Variants in KIF6 observed in about 807,000 individuals in gnomAD.
KIF6 encodes the protein kinesin-like protein KIF6.
KIF6 carries 106 observed loss-of-function variants against 112.7 expected under a neutral mutation model. The ratio of observed to expected loss-of-function variants is 0.94; its 90% confidence interval spans 0.80 to 1.11. The LOEUF is 1.11. Ranked by LOEUF, KIF6 falls within the 50% of genes least tolerant of loss-of-function variation. The pLI, the probability that KIF6 is intolerant of heterozygous loss-of-function variation, is 0.00. For missense variants in KIF6, 929 were observed against 964.0 expected (o/e 0.96, Z 0.48); for synonymous variants, 339 against 339.9 (o/e 1.00, Z 0.03).
chr6:39,653,402 A>G (rs1194913981), intron 3 of KIF6, among the ~76,000 whole-genome samples: 1 of 152,244 alleles, frequency 6.6e-6, no homozygotes, highest in Non-Finnish European at 1.5e-5. Context: ...AGAATAGAAA[A>G]CAGAAAAGAA....
intron 13 of KIF6, among the ~76,000 whole-genome samples, chr6:39,444,364 G>A (rs953545371): frequency 6.6e-6 from 1 of 152,148 alleles, no homozygotes; most frequent in Admixed American, 6.5e-5. Flanking sequence ...TTTGATGCAG[G>A]TATATGTTGT....
chr6:39,589,879 T>A, intron 7 of KIF6, among the ~76,000 whole-genome samples: 1 of 152,258 alleles, frequency 6.6e-6, no homozygotes, highest in East Asian at 1.9e-4. Context: ...TAAACCATGC[T>A]TCTTAAAATA....
At chr6:39,674,584 A>C (rs1787027386) in intron 3 of KIF6, among the ~76,000 whole-genome samples, 1 of 152,036 alleles carries the variant, frequency 6.6e-6, no homozygotes, top group South Asian at 2.1e-4. Context: ...TTGTGGGTAA[A>C]ATGTGGAAAT....
At chr6:39,363,009 C>T (rs961596040) in intron 16 of KIF6, among the ~76,000 whole-genome samples, 16 of 151,994 alleles carry the variant, frequency 1.1e-4, no homozygotes, top group African/African-American at 1.4e-4. Flanking sequence ...ATTAGCTGGG[C>T]GTGGTGGCGG....
At chr6:39,715,925 G>C (rs1789824153) in intron 2 of KIF6, among the ~76,000 whole-genome samples, 1 of 152,168 alleles carries the variant, frequency 6.6e-6, no homozygotes, top group African/African-American at 2.4e-5. Flanking sequence ...ACACATAGCT[G>C]CTGAACTGCT....
chr6:39,343,360 C>T lies in KIF6; in HGVS notation c.2428+349G>A, dbSNP rs3734622. 2.3e-6 allele frequency: 3 copies of T among 1,311,562 alleles called. No homozygotes were observed. Among genetic ancestry groups the T allele is most frequent in the Non-Finnish European group, 3.0e-6 (3 of 1,003,576 alleles). The allele number at this position is 1,311,562 out of a possible 1,614,324, so 81.2% of individuals were successfully genotyped here. On this transcript the variant is annotated intron_variant, in intron 22 of 22. Transcript: ENST00000287152. The surrounding 1 kb of genome is among the most constrained non-coding windows in gnomAD (Gnocchi z 4.1). ...TTCAACGAGTTACCAAAACATCACT[C>T]AGCCCCTTCCTGTTTGTAGAAGCCT...
chr6:39,350,957 GAATTAGAGCATCC>G (rs1273767122), intron 19 of KIF6, among the ~76,000 whole-genome samples: 2 of 152,146 alleles, frequency 1.3e-5, no homozygotes, highest in Non-Finnish European at 1.5e-5. Flanking sequence ...CTCTGCCCAG[GAATTAGAGCATCC>G]AACCAGCTCG....
At chr6:39,534,071 T>G (rs530770723) in intron 13 of KIF6, among the ~76,000 whole-genome samples, 4 of 152,084 alleles carry the variant, frequency 2.6e-5, no homozygotes, top group Non-Finnish European at 5.9e-5. Context: ...TACATCAGCA[T>G]CATCAAAGAC....
At chr6:39,607,203 A>G (rs1016695806) in intron 6 of KIF6, among the ~76,000 whole-genome samples, 10 of 152,200 alleles carry the variant, frequency 6.6e-5, no homozygotes, top group African/African-American at 2.2e-4. Context: ...CTATTCTTTT[A>G]ATAATGTATA....
chr6:39,477,321 T>C (rs901575512), intron 13 of KIF6, among the ~76,000 whole-genome samples: 1 of 152,196 alleles, frequency 6.6e-6, no homozygotes, highest in African/African-American at 2.4e-5. Context: ...GTAAAACTTA[T>C]AAATGCATGC....
intron 15 of KIF6, among the ~76,000 whole-genome samples, chr6:39,405,159 G>GA (rs1271171112): frequency 6.6e-6 from 1 of 152,042 alleles, no homozygotes; most frequent in Non-Finnish European, 1.5e-5. Context: ...CATCATGTGT[G>GA]AACAGGGACA....
intron 3 of KIF6, among the ~76,000 whole-genome samples, chr6:39,659,537 C>CA (rs1462302174): frequency 6.6e-6 from 1 of 152,136 alleles, no homozygotes; most frequent in Non-Finnish European, 1.5e-5. Flanking sequence ...ATAATCCCCA[C>CA]GTGTTGTGGG....
At chr6:39,619,031 A>G (rs1783678297) in intron 5 of KIF6, among the ~76,000 whole-genome samples, 1 of 152,200 alleles carries the variant, frequency 6.6e-6, no homozygotes, top group African/African-American at 2.4e-5. Flanking sequence ...TCTCTTTAAA[A>G]TATTTTACAG....
At chr6:39,370,455 TTTG>T (rs1356106092) in intron 16 of KIF6, among the ~76,000 whole-genome samples, 14 of 152,202 alleles carry the variant, frequency 9.2e-5, no homozygotes, top group Non-Finnish European at 1.5e-5. Context: ...TCCCTCTTCT[TTTG>T]GAAAACATAC....
chr6:39,402,206 A>G (rs923925614), intron 15 of KIF6, among the ~76,000 whole-genome samples: 1 of 152,002 alleles, frequency 6.6e-6, no homozygotes, highest in African/African-American at 2.4e-5. Flanking sequence ...ACTTGGGGCA[A>G]TGGAAAAGGT....
At chr6:39,372,189 T>C (rs1766054565) in intron 16 of KIF6, among the ~76,000 whole-genome samples, 1 of 152,108 alleles carries the variant, frequency 6.6e-6, no homozygotes, top group Admixed American at 6.5e-5. Context: ...GAATGACCAA[T>C]TCAGTTATGG....
At chr6:39,647,893 T>G (rs1019641530) in intron 3 of KIF6, among the ~76,000 whole-genome samples, 4 of 151,964 alleles carry the variant, frequency 2.6e-5, no homozygotes, top group Non-Finnish European at 4.4e-5. Flanking sequence ...GGTATTTTTG[T>G]AGAGACGGGG....
At chr6:39,614,821 TC>T (rs1783413647) in intron 5 of KIF6, among the ~76,000 whole-genome samples, 1 of 152,192 alleles carries the variant, frequency 6.6e-6, no homozygotes, top group African/African-American at 2.4e-5. Context: ...TTTTAAAAAC[TC>T]CCTTTATTCC....
chr6:39,601,720 AC>A (rs1782583168), intron 6 of KIF6, among the ~76,000 whole-genome samples: 1 of 126,492 alleles, frequency 7.9e-6, no homozygotes, highest in Non-Finnish European at 1.6e-5. Flanking sequence ...GGACACACAC[AC>A]ACACACACAC....
Sources: allele counts gnomAD v4.1 joint callset (sites outside exome capture counted in the v4.1 genomes callset), GRCh38; gene constraint gnomAD v4.1.1; non-coding constraint Gnocchi (gnomAD v3.1); transcripts MANE v1.5; gene names NCBI Gene and HGNC (gene_info 2026-07-23, HGNC 2026-07-21).